ERC2: variants seen among roughly 807,000 people sequenced by gnomAD.
The protein encoded by ERC2 is ELKS/RAB6-interacting/CAST family member 2.
In ERC2, 42 loss-of-function variants were observed where a neutral mutation model predicts 114.8. That is an observed-to-expected ratio of 0.37 (90% confidence interval 0.29 to 0.47). The LOEUF is 0.47. Among genes scored for constraint, ERC2 ranks in the 20% least tolerant of loss-of-function variants. The pLI, the probability that ERC2 is intolerant of heterozygous loss-of-function variation, is 0.99. For synonymous variants in ERC2, 454 were observed against 425.5 expected (o/e 1.07, Z -0.82); for missense variants, 939 against 1,150.7 (o/e 0.82, Z 2.66).
intron 14 of ERC2, among the ~76,000 whole-genome samples, chr3:55,769,295 C>T (rs1233955239): frequency 6.6e-6 from 1 of 151,938 alleles, no homozygotes; most frequent in Non-Finnish European, 1.5e-5. Flanking sequence ...TATTTGGGGG[C>T]AGTTTGGGAG....
intron 3 of ERC2, among the ~76,000 whole-genome samples, chr3:56,226,629 A>T (rs1297914866): frequency 2.6e-5 from 4 of 152,140 alleles, no homozygotes; most frequent in Non-Finnish European, 5.9e-5. Context: ...TAGAGGTATG[A>T]TGAGATAGTA....
chr3:56,413,350 A>G (rs1476762157), intron 2 of ERC2, among the ~76,000 whole-genome samples: 1 of 152,206 alleles, frequency 6.6e-6, no homozygotes, highest in Non-Finnish European at 1.5e-5. Flanking sequence ...CCATGTGGTA[A>G]GCACACTACA....
At chr3:55,551,195 C>CAT (rs906017999) in intron 17 of ERC2, among the ~76,000 whole-genome samples, 1 of 151,746 alleles carries the variant, frequency 6.6e-6, no homozygotes, top group Non-Finnish European at 1.5e-5. Flanking sequence ...CATACACACA[C>CAT]ATATATATAT....
At chr3:56,122,418 A>G (rs1474513652) in intron 6 of ERC2, among the ~76,000 whole-genome samples, 3 of 152,174 alleles carry the variant, frequency 2.0e-5, no homozygotes, top group Admixed American at 6.5e-5. Context: ...GAAAGATGCA[A>G]GAGGGATTTA....
At position 56,325,701 on chromosome 3, in the gene ERC2, C is replaced by T. The variant is rs116194058; in HGVS notation, c.658-29266G>A. On this transcript the variant is annotated intron_variant, in intron 2 of 17. Transcript: ENST00000288221. ...AAAAATAACTGACATTTGTAAAGTA[C>T]TTACCCTGCACTGAGCCCTATGCTA... is the stretch of plus-strand genomic sequence containing the variant. 8.2e-3 allele frequency among the ~76,000 whole-genome samples: 1,254 copies of T among 152,264 alleles called. 14 individuals carry two copies. Among genetic ancestry groups the T allele is most frequent in the African/African-American group, 0.028 (1,180 of 41,544 alleles).
intron 2 of ERC2, among the ~76,000 whole-genome samples, chr3:56,416,674 A>AC (rs2061171876): frequency 6.6e-6 from 1 of 151,486 alleles, no homozygotes; most frequent in Non-Finnish European, 1.5e-5. Context: ...AAAAAAAAAA[A>AC]AAAAAAACTC....
intron 3 of ERC2, among the ~76,000 whole-genome samples, chr3:56,287,862 C>T (rs1043858337): frequency 2.6e-5 from 4 of 152,156 alleles, no homozygotes; most frequent in Non-Finnish European, 4.4e-5. Flanking sequence ...ACCATTGTTC[C>T]GTTCAGAGTA....
intron 7 of ERC2, among the ~76,000 whole-genome samples, chr3:56,032,917 A>AAGAAAGAAAGAGAGAGAGAGAGAC (rs2074482733): frequency 1.3e-5 from 1 of 76,036 alleles, no homozygotes; most frequent in Non-Finnish European, 2.9e-5. Context: ...GAAAGAAAGA[A>AAGAAAGAAAGAGAGAGAGAGAGAC]AGAAAGAAAG....
intron 10 of ERC2, among the ~76,000 whole-genome samples, chr3:55,994,688 T>A (rs1173946636): frequency 2.2e-5 from 3 of 137,116 alleles, no homozygotes; most frequent in African/African-American, 7.9e-5. Context: ...CCTGATAGGT[T>A]TACAGAGACA....
chr3:56,054,373 C>T (rs2075908133), intron 7 of ERC2, among the ~76,000 whole-genome samples: 1 of 152,172 alleles, frequency 6.6e-6, no homozygotes, highest in Admixed American at 6.5e-5. Flanking sequence ...AGCTCCATTT[C>T]AAACCACTGC....
chr3:55,618,859 C>T (rs2059222338), intron 17 of ERC2, among the ~76,000 whole-genome samples: 1 of 152,150 alleles, frequency 6.6e-6, no homozygotes, highest in South Asian at 2.1e-4. Context: ...TCCTGATCAA[C>T]AGGAAAAGCT....
At chr3:55,703,265 C>T (rs1288274496) in intron 15 of ERC2, among the ~76,000 whole-genome samples, 1 of 152,228 alleles carries the variant, frequency 6.6e-6, no homozygotes, top group Non-Finnish European at 1.5e-5. Flanking sequence ...GCTTAGGCAT[C>T]TCTTGCTAGG....
chr3:55,996,687 C>G (rs1025192713), intron 10 of ERC2, among the ~76,000 whole-genome samples: 1 of 152,152 alleles, frequency 6.6e-6, no homozygotes, highest in African/African-American at 2.4e-5. Context: ...TGGAGTCTCA[C>G]TGATGTGGGC....
chr3:55,936,729 C>T (rs1559897970), intron 13 of ERC2, among the ~76,000 whole-genome samples: 1 of 152,046 alleles, frequency 6.6e-6, no homozygotes, highest in Admixed American at 6.5e-5. Context: ...AACAGGGGGT[C>T]CCAAAGAGAG....
intron 10 of ERC2, among the ~76,000 whole-genome samples, chr3:55,999,277 A>T (rs1255889903): frequency 6.6e-6 from 1 of 152,204 alleles, no homozygotes; most frequent in African/African-American, 2.4e-5. Flanking sequence ...AAAGGTTATA[A>T]GAAAAATAAT....
chr3:55,686,649 T>C (rs2062348502), intron 16 of ERC2, among the ~76,000 whole-genome samples: 1 of 152,226 alleles, frequency 6.6e-6, no homozygotes, highest in African/African-American at 2.4e-5. Flanking sequence ...AACAGACAAG[T>C]ATCACTTGAT....
chr3:56,199,648 C>T (rs2048298923), intron 3 of ERC2, among the ~76,000 whole-genome samples: 1 of 152,110 alleles, frequency 6.6e-6, no homozygotes, highest in Non-Finnish European at 1.5e-5. Context: ...GCTAGGACTA[C>T]AGATGCATAC....
intron 17 of ERC2, among the ~76,000 whole-genome samples, chr3:55,577,989 C>G (rs1187437852): frequency 6.6e-6 from 1 of 152,208 alleles, no homozygotes; most frequent in Admixed American, 6.5e-5. Context: ...GTGGCCCCCA[C>G]TGCAGGGAGC....
chr3:56,127,765 A>C (rs1162753231), intron 6 of ERC2, among the ~76,000 whole-genome samples: 1 of 152,062 alleles, frequency 6.6e-6, no homozygotes, highest in African/African-American at 2.4e-5. Context: ...TGGCATAAAA[A>C]CAGATACATA....
Sources: allele counts gnomAD v4.1 joint callset (sites outside exome capture counted in the v4.1 genomes callset), GRCh38; gene constraint gnomAD v4.1.1; transcripts MANE v1.5; gene names NCBI Gene and HGNC (gene_info 2026-07-23, HGNC 2026-07-21).